The following CHCHD6 variants were observed in gnomAD, a reference collection of about 807,000 sequenced individuals.
CHCHD6 encodes the protein MICOS complex subunit MIC25.
In CHCHD6, 28 loss-of-function variants were observed where a neutral mutation model predicts 32.3. That is an observed-to-expected ratio of 0.87 (90% CI 0.64 to 1.19). The LOEUF (loss-of-function observed/expected upper bound fraction) is 1.19. Ranked by LOEUF, CHCHD6 falls within the 50% of genes most tolerant of loss-of-function variation. CHCHD6 has a pLI of 0.00. For synonymous variants in CHCHD6, 122 were observed against 117.5 expected (o/e 1.04, Z -0.25); for missense variants, 333 against 307.0 (o/e 1.08, Z -0.63).
chr3:126,753,398 G>A (rs900053996), intron 4 of CHCHD6, among the ~76,000 whole-genome samples: 2 of 152,220 alleles, frequency 1.3e-5, no homozygotes, highest in African/African-American at 4.8e-5. Context: ...GGGCACTGAG[G>A]CACTCGTAGC....
intron 4 of CHCHD6, among the ~76,000 whole-genome samples, chr3:126,754,119 G>A (rs939594843): frequency 9.2e-5 from 14 of 152,186 alleles, no homozygotes; most frequent in African/African-American, 3.4e-4. Context: ...GCAGTTCTTT[G>A]GATCACAGTC....
At chr3:126,751,276 C>T (rs1576371782) in intron 4 of CHCHD6, among the ~76,000 whole-genome samples, 1 of 151,748 alleles carries the variant, frequency 6.6e-6, no homozygotes, top group Non-Finnish European at 1.5e-5. Context: ...CAGAGGTGGG[C>T]CGATTGCTTG....
chr3:126,754,700 G>A (rs2107669580), intron 4 of CHCHD6, among the ~76,000 whole-genome samples: 1 of 152,300 alleles, frequency 6.6e-6, no homozygotes. Flanking sequence ...CTGCTGCTAG[G>A]AACCCTGATG....
At chr3:126,737,863 G>A (rs927688217) in intron 4 of CHCHD6, among the ~76,000 whole-genome samples, 2 of 151,952 alleles carry the variant, frequency 1.3e-5, no homozygotes, top group Admixed American at 1.3e-4. Context: ...GTGTAGGTGC[G>A]GTTGTGGAAC....
intron 6 of CHCHD6, among the ~76,000 whole-genome samples, chr3:126,925,088 G>T (rs1297554261): frequency 6.6e-6 from 1 of 152,218 alleles, no homozygotes; most frequent in East Asian, 1.9e-4. Context: ...GAATGATGTT[G>T]AACCTTTACT....
chr3:126,840,055 A>G (rs886540335), intron 4 of CHCHD6, among the ~76,000 whole-genome samples: 1 of 152,232 alleles, frequency 6.6e-6, no homozygotes, highest in Non-Finnish European at 1.5e-5. Flanking sequence ...ATGGAATCAT[A>G]TACTATGTGG....
At chr3:126,905,826 C>T (rs974335798) in intron 5 of CHCHD6, among the ~76,000 whole-genome samples, 4 of 152,158 alleles carry the variant, frequency 2.6e-5, no homozygotes, top group African/African-American at 9.7e-5. Context: ...GGATAGGAAG[C>T]AGTGGTGAAT....
intron 4 of CHCHD6, 21 bp from the exon 5 acceptor site, chr3:126,852,626 G>T (rs776840055): frequency 4.3e-5 from 69 of 1,604,128 alleles, no homozygotes; most frequent in Non-Finnish European, 5.4e-5. Context: ...GCTAACGTGG[G>T]CTTTGTTCTC....
chr3:126,802,314 G>T (rs2107691218), intron 4 of CHCHD6, among the ~76,000 whole-genome samples: 1 of 152,220 alleles, frequency 6.6e-6, no homozygotes, highest in South Asian at 2.1e-4. Flanking sequence ...TGAAAATGTT[G>T]AAAAAAATTT....
chr3:126,837,427 G>A (rs893746162), intron 4 of CHCHD6, among the ~76,000 whole-genome samples: 1 of 152,134 alleles, frequency 6.6e-6, no homozygotes, highest in African/African-American at 2.4e-5. Flanking sequence ...GCCAAGCATG[G>A]TGTGTTTGTA....
intron 4 of CHCHD6, among the ~76,000 whole-genome samples, chr3:126,841,136 T>TA (rs1261963634): frequency 1.3e-5 from 2 of 151,370 alleles, no homozygotes; most frequent in African/African-American, 4.9e-5. Flanking sequence ...TGAGTGAGAA[T>TA]ATGCGGTGTT....
intron 5 of CHCHD6, among the ~76,000 whole-genome samples, chr3:126,876,611 G>T (rs1246442921): frequency 6.6e-6 from 1 of 152,202 alleles, no homozygotes; most frequent in Non-Finnish European, 1.5e-5. Flanking sequence ...AATATCGGCA[G>T]TACTTTTAAA....
At chr3:126,779,905 G>A (rs1937849966) in intron 4 of CHCHD6, among the ~76,000 whole-genome samples, 1 of 152,108 alleles carries the variant, frequency 6.6e-6, no homozygotes, top group African/African-American at 2.4e-5. Flanking sequence ...CTTCTCTTTA[G>A]CATCCAGCTC....
chr3:126,822,751 C>T (rs1432174349), intron 4 of CHCHD6, among the ~76,000 whole-genome samples: 2 of 152,126 alleles, frequency 1.3e-5, no homozygotes, highest in East Asian at 3.9e-4. Flanking sequence ...TCATTCCTCA[C>T]CGAATTGCAG....
In CHCHD6 at chr3:126,804,062, CA is replaced by C. The variant is rs1939226952; in HGVS notation, c.412-48584del. ...CAGAATCTCTGGGACACATTCAAAG[CA>C]GTGTGTAGAGGGAAATTTATAGCAC... On this transcript the variant is annotated intron_variant, in intron 4 of 7. Transcript: ENST00000290913. Among the ~76,000 whole-genome samples, 3 of 152,052 alleles carry C rather than the reference CA, an allele frequency of 2.0e-5. No individual in the cohort carries two copies. In the South Asian group the frequency reaches 6.3e-4, roughly 32 times the overall value.
intron 2 of CHCHD6, 30 bp downstream of exon 2, chr3:126,727,216 G>A: frequency 6.7e-7 from 1 of 1,501,810 alleles, no homozygotes; most frequent in Non-Finnish European, 9.3e-7. Flanking sequence ...TCTGTGGAGT[G>A]TGGAGAGACA....
chr3:126,873,313 T>G (rs1190857208), intron 5 of CHCHD6, among the ~76,000 whole-genome samples: 1 of 152,190 alleles, frequency 6.6e-6, no homozygotes, highest in Admixed American at 6.5e-5. Context: ...TGTCTTTTTT[T>G]CCCCCTCTTT....
intron 4 of CHCHD6, among the ~76,000 whole-genome samples, chr3:126,815,053 G>A (rs1320605681): frequency 6.6e-6 from 1 of 152,178 alleles, no homozygotes; most frequent in Non-Finnish European, 1.5e-5. Context: ...GAAGTCTTCT[G>A]TATTGATTGT....
At chr3:126,867,974 C>G (rs966870612) in intron 5 of CHCHD6, among the ~76,000 whole-genome samples, 2 of 152,240 alleles carry the variant, frequency 1.3e-5, no homozygotes, top group African/African-American at 4.8e-5. Flanking sequence ...CTACAGGGCT[C>G]TGTGATCTGG....
Sources: allele counts gnomAD v4.1 joint callset (sites outside exome capture counted in the v4.1 genomes callset), GRCh38; gene constraint gnomAD v4.1.1; transcripts MANE v1.5; gene names NCBI Gene and HGNC (gene_info 2026-07-23, HGNC 2026-07-21).